CSNK1G3: variants seen among roughly 807,000 people sequenced by gnomAD.
CSNK1G3 encodes casein kinase I isoform gamma-3.
A neutral mutation model predicts 64.3 loss-of-function variants in CSNK1G3; 23 were observed. The observed-to-expected ratio is 0.36, with a 90% CI of 0.26 to 0.51. The LOEUF is 0.51. Among genes scored for constraint, CSNK1G3 ranks in the 20% least tolerant of loss-of-function variants. The pLI is 0.96. For synonymous variants in CSNK1G3, 158 were observed against 162.2 expected, an observed-to-expected ratio of 0.97 and a Z score of 0.20; for missense variants, 357 against 510.5, an observed-to-expected ratio of 0.70 and a Z score of 2.90.
intron 1 of CSNK1G3, among the ~76,000 whole-genome samples, chr5:123,529,579 T>G (rs976915234): frequency 6.6e-6 from 1 of 152,272 alleles, no homozygotes; most frequent in Non-Finnish European, 1.5e-5. Context: ...AAATATTTGT[T>G]GAATGAAAAT....
At chr5:123,599,681 A>G (rs1428821616) in intron 10 of CSNK1G3, among the ~76,000 whole-genome samples, 1 of 152,164 alleles carries the variant, frequency 6.6e-6, no homozygotes, top group Non-Finnish European at 1.5e-5. Flanking sequence ...AACAAAATCT[A>G]GTGACTATTA....
intron 4 of CSNK1G3, among the ~76,000 whole-genome samples, chr5:123,566,951 C>T (rs988555010): frequency 4.6e-5 from 7 of 152,068 alleles, no homozygotes; most frequent in Admixed American, 1.3e-4. Context: ...TGATTGTATT[C>T]GTCCGTTTTC....
intron 3 of CSNK1G3, among the ~76,000 whole-genome samples, chr5:123,553,848 G>C (rs907265645): frequency 6.6e-6 from 1 of 152,160 alleles, no homozygotes; most frequent in African/African-American, 2.4e-5. Flanking sequence ...GTGATCCTTA[G>C]GTCCTATTGT....
chr5:123,568,364 G>C (rs1787376235), intron 4 of CSNK1G3, among the ~76,000 whole-genome samples: 1 of 152,102 alleles, frequency 6.6e-6, no homozygotes, highest in Admixed American at 6.5e-5. Context: ...CAACCACTGG[G>C]CTGGTTGTCA....
chr5:123,549,458 A>G (rs1038433260), intron 2 of CSNK1G3, among the ~76,000 whole-genome samples: 2 of 152,100 alleles, frequency 1.3e-5, no homozygotes, highest in Non-Finnish European at 2.9e-5. Flanking sequence ...CTCCTTTTCT[A>G]TCTGGCCCAT....
intron 3 of CSNK1G3, among the ~76,000 whole-genome samples, chr5:123,554,658 T>C (rs1006723038): frequency 1.3e-5 from 2 of 152,224 alleles, no homozygotes; most frequent in African/African-American, 4.8e-5. Context: ...TTGCTGACTT[T>C]CATTTCTTTG....
chr5:123,570,346 C>CTTTT (rs370362447), intron 4 of CSNK1G3, among the ~76,000 whole-genome samples: 34 of 130,518 alleles, frequency 2.6e-4, no homozygotes, highest in Non-Finnish European at 3.6e-4. Context: ...ACAGTCCTTT[C>CTTTT]TTTTTTTTTT....
intron 7 of CSNK1G3, 30 bp from the exon 8 acceptor site, chr5:123,588,397 C>T: frequency 6.5e-7 from 1 of 1,530,400 alleles, no homozygotes; most frequent in East Asian, 2.2e-5. Flanking sequence ...TAAATTACCA[C>T]ATTCTCAAGA....
chr5:123,613,634 A>G (rs963464509), intron 12 of CSNK1G3, among the ~76,000 whole-genome samples: 4 of 152,074 alleles, frequency 2.6e-5, no homozygotes. Context: ...GGCCTCTCAA[A>G]GTGCTGGGAT....
At chr5:123,542,849 AGT>A (rs66645709) in intron 1 of CSNK1G3, among the ~76,000 whole-genome samples, 5,533 of 134,808 alleles carry the variant, frequency 0.041, 134 homozygotes, top group South Asian at 0.066. Flanking sequence ...GCCTAGATTT[AGT>A]GTGTGTGTGT....
intron 1 of CSNK1G3, among the ~76,000 whole-genome samples, chr5:123,514,885 G>T (rs553041999): frequency 1.3e-5 from 2 of 152,136 alleles, no homozygotes; most frequent in Non-Finnish European, 2.9e-5. Context: ...TGTATTTAAA[G>T]ATGAGTCAGT....
chr5:123,608,856 T>C (rs572071484), intron 12 of CSNK1G3, among the ~76,000 whole-genome samples: 12 of 152,290 alleles, frequency 7.9e-5, no homozygotes, highest in African/African-American at 2.9e-4. Context: ...TTAAGGATCA[T>C]TGGTCTAATA....
At chr5:123,588,078 A>G (rs781551880) in exon 7 of CSNK1G3, 2 of 1,575,330 alleles carry the variant, frequency 1.3e-6, no homozygotes, top group South Asian at 1.2e-5. Context: ...AACAAAGTAG[A>G]AGAGACGATT....
chr5:123,569,985 T>G (rs190885145), intron 4 of CSNK1G3, among the ~76,000 whole-genome samples: 282 of 152,326 alleles, frequency 1.9e-3, no homozygotes, highest in African/African-American at 6.7e-3. Flanking sequence ...TTGCCATTTC[T>G]TCTATTATTA....
chr5:123,578,639 T>G (rs1789634442), intron 6 of CSNK1G3, among the ~76,000 whole-genome samples: 1 of 151,948 alleles, frequency 6.6e-6, no homozygotes, highest in Non-Finnish European at 1.5e-5. Flanking sequence ...TTTTTTTGTT[T>G]ATGGTTATTG....
Position 123,588,312 on chromosome 5 carries a change from A to G in CSNK1G3, c.760-115A>G. 3.8e-6 allele frequency: 4 copies of G among 1,056,908 alleles called. No homozygotes were observed. In the South Asian group the frequency reaches 4.0e-5, roughly 11 times the overall value. 65.5% of individuals were successfully genotyped at this position (1,056,908 alleles called of 1,614,324 possible). The stretch of plus-strand genomic sequence containing the variant: ...GGCTGGTCTCAAACTCCTGGGCTCA[A>G]GCATTCCTTCTGCCTTGGCCTTCCA... On this transcript the variant is annotated intron_variant, in intron 7 of 12. Transcript: ENST00000345990.
At chr5:123,592,284 C>T (rs1212819605) in intron 10 of CSNK1G3, among the ~76,000 whole-genome samples, 7 of 151,688 alleles carry the variant, frequency 4.6e-5, no homozygotes, top group Middle Eastern at 3.2e-3. Context: ...GAATAGCAAG[C>T]GGTTCAAATT....
intron 10 of CSNK1G3, among the ~76,000 whole-genome samples, chr5:123,593,180 AGGGT>A (rs1208889965): frequency 7.0e-6 from 1 of 142,438 alleles, no homozygotes; most frequent in Non-Finnish European, 1.5e-5. Flanking sequence ...CACTAAATGT[AGGGT>A]GGGTGTGTGT....
chr5:123,512,770 G>A (rs2149841718), intron 1 of CSNK1G3, among the ~76,000 whole-genome samples, 200 bp downstream of exon 1: 1 of 151,316 alleles, frequency 6.6e-6, no homozygotes, highest in Non-Finnish European at 1.5e-5. Context: ...GGCGTGGGCA[G>A]GAGGGGGCCG....
Sources: gnomAD v4.1 joint callset for allele counts (sites outside exome capture counted in the v4.1 genomes callset) on GRCh38, gnomAD v4.1.1 for gene constraint, MANE v1.5 for transcripts, NCBI Gene and HGNC (gene_info 2026-07-23, HGNC 2026-07-21) for gene names.